The following BMF variants were observed in gnomAD, a reference collection of about 807,000 sequenced individuals.
BMF encodes the protein Bcl2 modifying factor.
In BMF, 10 loss-of-function variants were observed where a neutral mutation model predicts 22.0. The ratio of observed to expected loss-of-function variants is 0.45; its 90% CI spans 0.28 to 0.77. BMF has a LOEUF of 0.77. Among genes scored for constraint, BMF ranks in the 30% least tolerant of loss-of-function variants. The probability of loss-of-function intolerance (pLI) is 0.13; values close to 1 mark genes in which losing one functional copy is unlikely to be tolerated. For missense variants in BMF, 206 were observed against 226.8 expected (o/e 0.91, Z 0.59); for synonymous variants, 87 against 88.1 (o/e 0.99, Z 0.07).
intron 4 of BMF, among the ~76,000 whole-genome samples, chr15:40,102,258 G>A (rs533174598): frequency 2.6e-5 from 4 of 151,970 alleles, no homozygotes; most frequent in South Asian, 2.1e-4. Flanking sequence ...GCGAAACCCC[G>A]TCTCCACTAA....
Position 40,105,926 on chromosome 15 carries a change from T to C in BMF, c.161A>G (p.His54Arg), listed in dbSNP as rs757202098. 2 of 1,613,994 alleles carry C rather than the reference T, an allele frequency of 1.2e-6. No homozygotes were observed. The highest frequency in any genetic ancestry group is 2.7e-5 in the African/African-American group (2 of 74,910). The change falls in exon 3 of 5, where the codon CAC becomes CGC. Residue 54 changes from histidine to arginine, a missense_variant. Transcript: ENST00000354670. Reference protein sequence around the residue: ...LSRLQLFPLTHCCGPGLRPTS... With the variant: ...LSRLQLFPLTRCCGPGLRPTS... ...GGGTCGAAGGCCAGGGCCACAGCAG[T>C]GGGTGAGAGGGAAGAGCTGAAGTCG...
At chr15:40,098,143 C>G (rs1434663445) in intron 4 of BMF, among the ~76,000 whole-genome samples, 1 of 152,244 alleles carries the variant, frequency 6.6e-6, no homozygotes, top group Non-Finnish European at 1.5e-5. Flanking sequence ...CATGGCCACG[C>G]CCATTGCTTC....
At chr15:40,095,266 T>C (rs2036332703) in intron 4 of BMF, among the ~76,000 whole-genome samples, 1 of 151,766 alleles carries the variant, frequency 6.6e-6, no homozygotes, top group Admixed American at 6.6e-5. Context: ...AATACAACAA[T>C]AAATAAAATT....
At chr15:40,103,835 T>C (rs2036529016) in intron 4 of BMF, among the ~76,000 whole-genome samples, 1 of 152,166 alleles carries the variant, frequency 6.6e-6, no homozygotes, top group Non-Finnish European at 1.5e-5. Flanking sequence ...AATCTTCCTC[T>C]TAGGTCCGTG....
Position 40,103,124 on chromosome 15 carries a change from T to G in BMF, c.453+1056A>C, listed in dbSNP as rs374978646. 4.6e-5 allele frequency among the ~76,000 whole-genome samples: 7 copies of G among 152,338 alleles called. No individual in the cohort carries two copies. In the East Asian group the frequency reaches 1.4e-3, roughly 29 times the overall value. On this transcript the variant is annotated intron_variant, in intron 4 of 4. Transcript: ENST00000354670. ...TAAGTCAACCTACCAATAGCTCTCC[T>G]CCGACCACCTGAAGCTACCCTTCTA...
intron 3 of BMF, among the ~76,000 whole-genome samples, chr15:40,105,535 C>T (rs2036568574): frequency 6.6e-6 from 1 of 152,192 alleles, no homozygotes; most frequent in African/African-American, 2.4e-5. Context: ...AAGGCCAGGC[C>T]ACTCAAGGGG....
intron 4 of BMF, among the ~76,000 whole-genome samples, chr15:40,094,298 T>C (rs2036310175): frequency 6.6e-6 from 1 of 152,154 alleles, no homozygotes; most frequent in Non-Finnish European, 1.5e-5. Context: ...CAGAAGCAGC[T>C]GTGGGCCAGA....
At chr15:40,096,571 C>T (rs1191326967) in intron 4 of BMF, among the ~76,000 whole-genome samples, 1 of 152,206 alleles carries the variant, frequency 6.6e-6, no homozygotes, top group Non-Finnish European at 1.5e-5. Context: ...TTAATCAACC[C>T]ATTTTAGAGC....
chr15:40,091,500 G>T lies in BMF; in HGVS notation c.*287C>A. On this transcript the variant is annotated 3_prime_UTR_variant, in exon 5 of 5. Transcript: ENST00000354670. Reference sequence around the variant, plus strand: ...TCGACAACTGGTAGATTCCTCAGTCGAAGAATCTACTTGTCAGAGCCCTTG... The same window carrying T: ...TCGACAACTGGTAGATTCCTCAGTCTAAGAATCTACTTGTCAGAGCCCTTG... The T allele has an allele frequency of 3.2e-6, 1 of 317,168 alleles. No individual in the cohort carries two copies. Among genetic ancestry groups the T allele is most frequent in the Non-Finnish European group, 5.8e-6 (1 of 172,054 alleles). The allele number at this position is 317,168 out of a possible 1,614,324, so 19.6% of individuals were successfully genotyped here.
chr15:40,096,584 C>T (rs1217650733), intron 4 of BMF, among the ~76,000 whole-genome samples: 1 of 152,148 alleles, frequency 6.6e-6, no homozygotes, highest in African/African-American at 2.4e-5. Context: ...TTTAGAGCGA[C>T]GGAAACAATG....
intron 4 of BMF, among the ~76,000 whole-genome samples, chr15:40,098,627 C>T (rs1475575636): frequency 6.6e-6 from 1 of 152,216 alleles, no homozygotes; most frequent in Non-Finnish European, 1.5e-5. Flanking sequence ...CCCCTTCACA[C>T]ACGGACTGAT....
intron 2 of BMF, among the ~76,000 whole-genome samples, chr15:40,107,167 A>C (rs2036604384): frequency 6.6e-6 from 1 of 152,250 alleles, no homozygotes; most frequent in East Asian, 1.9e-4. Flanking sequence ...GGAACTGCTT[A>C]GGGCCCCTGC....
chr15:40,102,066 C>A (rs375502159), intron 4 of BMF, among the ~76,000 whole-genome samples: 10 of 152,124 alleles, frequency 6.6e-5, no homozygotes, highest in East Asian at 5.8e-4. Context: ...AAGCACAACA[C>A]CTTGTCTAAA....
At chr15:40,098,319 C>T (rs139123203) in intron 4 of BMF, among the ~76,000 whole-genome samples, 13 of 152,318 alleles carry the variant, frequency 8.5e-5, no homozygotes, top group Admixed American at 2.0e-4. Flanking sequence ...CCTTGTTTTG[C>T]ACCTCCACAG....
At position 40,091,766 on chromosome 15, in the gene BMF, T is replaced by C. The variant is rs1289082027; in HGVS notation, c.*21A>G. 1.9e-6 allele frequency: 3 copies of C among 1,565,010 alleles called. No homozygotes were observed. Among genetic ancestry groups the C allele is most frequent in the Admixed American group, 1.7e-5 (1 of 57,630 alleles). On this transcript the variant is annotated 3_prime_UTR_variant, in exon 5 of 5. Transcript: ENST00000354670. ...TCCAGACGGTGTTCCTGGTGCCCCA[T>C]GTGAAGAGGGCAGCCCACCCTCACC...
intron 4 of BMF, among the ~76,000 whole-genome samples, chr15:40,092,403 A>G (rs886799765): frequency 6.6e-6 from 1 of 152,158 alleles, no homozygotes; most frequent in African/African-American, 2.4e-5. Flanking sequence ...CACACTGCTG[A>G]GGCAGCAAAA....
intron 4 of BMF, among the ~76,000 whole-genome samples, chr15:40,103,927 T>C (rs1049170434): frequency 6.6e-6 from 1 of 152,166 alleles, no homozygotes; most frequent in Non-Finnish European, 1.5e-5. Flanking sequence ...TCCCAGACTG[T>C]AGCCTCTCCC....
intron 4 of BMF, among the ~76,000 whole-genome samples, chr15:40,101,677 C>T (rs1264775962): frequency 6.6e-6 from 1 of 152,176 alleles, no homozygotes; most frequent in Non-Finnish European, 1.5e-5. Context: ...GCTGCTGAAA[C>T]GTTCCAGGAG....
chr15:40,093,276 G>GC (rs1021902393), intron 4 of BMF, among the ~76,000 whole-genome samples: 2 of 142,008 alleles, frequency 1.4e-5, no homozygotes, highest in Admixed American at 1.4e-4. Context: ...AACACGGAAT[G>GC]CCCCCGTCCA....
Sources: allele counts gnomAD v4.1 joint callset (sites outside exome capture counted in the v4.1 genomes callset), GRCh38; gene constraint gnomAD v4.1.1; transcripts MANE v1.5; gene names NCBI Gene and HGNC (gene_info 2026-07-23, HGNC 2026-07-21).